TPX2: variants seen among roughly 807,000 people sequenced by gnomAD.
TPX2 encodes the protein targeting protein for Xklp2.
TPX2 carries 21 observed loss-of-function variants against 93.6 expected under a neutral mutation model. The observed-to-expected ratio is 0.22, with a 90% CI of 0.16 to 0.32. The LOEUF is 0.32. TPX2 is among the 10% of genes least tolerant of loss of function. The pLI is 1.00. For synonymous variants in TPX2, 281 were observed against 298.3 expected (o/e 0.94, Z 0.60); for missense variants, 776 against 871.1 (o/e 0.89, Z 1.37).
At chr20:31,759,396 GTTT>G (rs35468756) in intron 3 of TPX2, among the ~76,000 whole-genome samples, 1 of 100,440 alleles carries the variant, frequency 1.0e-5, no homozygotes, top group Admixed American at 1.0e-4. Flanking sequence ...GTTTTCTTTC[GTTT>G]TTTTTTTTTT....
At chr20:31,776,736 A>G (rs1260131680) in intron 8 of TPX2, among the ~76,000 whole-genome samples, 1 of 151,832 alleles carries the variant, frequency 6.6e-6, no homozygotes, top group Non-Finnish European at 1.5e-5. Context: ...CATGTTGGCC[A>G]GGCTGGTCTC....
At chr20:31,788,885 A>G (rs534432992) in intron 12 of TPX2, among the ~76,000 whole-genome samples, 4 of 152,260 alleles carry the variant, frequency 2.6e-5, no homozygotes, top group East Asian at 1.9e-4. Context: ...TTTAAAATAT[A>G]TATACTTCCC....
In TPX2 at chr20:31,792,768, G is replaced by T. The variant is rs754732212; in HGVS notation, c.1447G>T (p.Val483Phe). Residue 483 changes from valine to phenylalanine, a missense_variant, in exon 13 of 18, where the codon GTC (valine) becomes TTC (phenylalanine). Val to Phe is a conservative substitution (Grantham distance 50). Transcript: ENST00000300403. The part of the protein sequence containing the change: ...VPEKKVLPIT[V>F]PKSPAFALKN... ...TGAAAAGAAGGTACTTCCAATCACC[G>T]TCCCCAAGTCACCAGCCTTTGCATT... The T allele has an allele frequency of 2.5e-6, 4 of 1,614,066 alleles. No homozygotes were observed. The African/African-American group carries it at 4.0e-5, about 16-fold the overall frequency.
intron 7 of TPX2, among the ~76,000 whole-genome samples, chr20:31,772,646 G>A (rs1006235242): frequency 6.6e-6 from 1 of 152,096 alleles, no homozygotes; most frequent in Non-Finnish European, 1.5e-5. Context: ...ACAAAACCTT[G>A]GGTTCTGCTT....
At chr20:31,778,717 C>T (rs1436106074) in intron 9 of TPX2, 96 bp from the exon 10 acceptor site, 17 of 1,160,522 alleles carry the variant, frequency 1.5e-5, no homozygotes, top group Non-Finnish European at 1.9e-5. Context: ...TTTACACAGG[C>T]CTTTTTTATT....
At position 31,766,663 on chromosome 20, in the gene TPX2, A is replaced by T. The variant is rs772571154; in HGVS notation, c.337A>T (p.Thr113Ser). 1.9e-6 allele frequency: 3 copies of T among 1,610,818 alleles called. No individual in the cohort carries two copies. The highest frequency in any genetic ancestry group is 2.2e-5 in the South Asian group (2 of 90,786). The change falls in exon 5 of 18, where the codon ACT (threonine) becomes TCT (serine). Residue 113 changes from threonine (T) to serine (S), a missense_variant. Physicochemically the swap from Thr to Ser is moderately conservative, Grantham distance 58 (BLOSUM62 1). Around this residue, in one of 3 missense-constraint regions of TPX2, gnomAD observed 279 missense variants for 261.6 expected, o/e 1.07. Transcript: ENST00000300403. Reference protein sequence around the residue: ...LEVEAAISRKTPAQPQRRSLR... With the variant: ...LEVEAAISRKSPAQPQRRSLR... ...AGTTGAGGCAGCCATATCAAGAAAA[A>T]CTCCAGCCCAGCCTCAGAGGTAAGA...
intron 15 of TPX2, among the ~76,000 whole-genome samples, chr20:31,794,788 G>A (rs13042746): frequency 6.6e-6 from 1 of 150,762 alleles, no homozygotes; most frequent in African/African-American, 2.4e-5. Flanking sequence ...GTGTGTGTGT[G>A]TGTATGTGTG....
rs546490844 is a variant in TPX2 at position 31,764,124 on chromosome 20, A to T, written c.230-2432A>T. Among the ~76,000 whole-genome samples the T allele has an allele frequency of 2.0e-4, 30 of 151,706 alleles. No individual in the cohort carries two copies. The South Asian group carries it at 2.1e-3, about 11-fold the overall frequency. ...ACATCTAATATACATGTATGTGTGT[A>T]TATATGTACATATACATGTATGTGT... On this transcript the variant is annotated intron_variant, in intron 4 of 17. Transcript: ENST00000300403.
chr20:31,750,209 G>A (rs948201706), intron 2 of TPX2, among the ~76,000 whole-genome samples: 21 of 151,640 alleles, frequency 1.4e-4, no homozygotes, highest in Non-Finnish European at 2.5e-4. Flanking sequence ...CCCGGCTGGA[G>A]TGCGATGGTG....
At chr20:31,793,723 C>G (rs1056964939) in intron 13 of TPX2, 125 bp from the exon 14 acceptor site, 4 of 939,960 alleles carry the variant, frequency 4.3e-6, no homozygotes, top group Non-Finnish European at 6.1e-6. Flanking sequence ...GAAAAGGAAG[C>G]TAAGACTTCC....
chr20:31,790,541 C>T (rs1234997898), intron 12 of TPX2, among the ~76,000 whole-genome samples: 1 of 152,178 alleles, frequency 6.6e-6, no homozygotes, highest in African/African-American at 2.4e-5. Flanking sequence ...AAAGATTGAG[C>T]AACTGTCTTG....
At chr20:31,748,556 A>G (rs1206797439) in intron 2 of TPX2, among the ~76,000 whole-genome samples, 1 of 152,214 alleles carries the variant, frequency 6.6e-6, no homozygotes, top group African/African-American at 2.4e-5. Context: ...TAGTTTTCAT[A>G]AAGGGCAGGA....
intron 2 of TPX2, among the ~76,000 whole-genome samples, chr20:31,757,116 G>A (rs1463821746): frequency 6.6e-6 from 1 of 151,970 alleles, no homozygotes; most frequent in East Asian, 1.9e-4. Context: ...GTCTGTCTAT[G>A]TTTTGTAGGC....
rs557971200 is a variant in TPX2 at position 31,774,367 on chromosome 20, T to G, written c.609-1500T>G. On this transcript the variant is annotated intron_variant, in intron 7 of 17. Coordinates refer to ENST00000300403, the MANE Select transcript of TPX2 (RefSeq NM_012112.5). ...GACAAGATTGTATTACTGCTACTAT[T>G]GTAAACATTTTTCCATATTTCCTCT... Among the ~76,000 whole-genome samples the G allele has an allele frequency of 3.9e-4, 59 of 152,362 alleles. 1 individual carries two copies. The South Asian group carries it at 0.012, about 32-fold the overall frequency.
chr20:31,757,414 CCTG>C lies in TPX2; in HGVS notation c.-59_-57del. 7.6e-7 allele frequency: 1 copy of C among 1,315,452 alleles called. No individual in the cohort carries two copies. Among genetic ancestry groups the C allele is most frequent in the Non-Finnish European group, 1.1e-6 (1 of 921,728 alleles). The allele number at this position is 1,315,452 out of a possible 1,614,324, so 81.5% of individuals were successfully genotyped here. A position where few individuals can be genotyped will look rare whatever the true frequency, so the allele number is the denominator to read the frequency against. On this transcript the variant is annotated 5_prime_UTR_variant, in exon 3 of 18. Transcript: ENST00000300403. ...AACCATTTCTTTCCTCAGAAGGTGACCTGCTGAGAAAAGTGGTACAAATACTGG... is the reference window on the plus strand; with the variant it reads ...AACCATTTCTTTCCTCAGAAGGTGACCTGAGAAAAGTGGTACAAATACTGG...
intron 12 of TPX2, among the ~76,000 whole-genome samples, chr20:31,790,212 T>C (rs2062091769): frequency 6.6e-6 from 1 of 152,212 alleles, no homozygotes; most frequent in African/African-American, 2.4e-5. Flanking sequence ...ATCTGCTATA[T>C]TGGATTTCAC....
At chr20:31,794,269 A>G (rs1332458140) in intron 14 of TPX2, 133 bp from the exon 15 acceptor site, 1 of 1,280,128 alleles carries the variant, frequency 7.8e-7, no homozygotes, top group Admixed American at 2.7e-5. Context: ...TTCCTTTTGA[A>G]CCCATTATTC....
chr20:31,759,995 C>T (rs11698833), intron 3 of TPX2, 62 bp from the exon 4 acceptor site: 75,818 of 1,593,348 alleles, frequency 0.048, 2,259 homozygotes, highest in South Asian at 0.091. Flanking sequence ...ATTTTAAATG[C>T]GTGATAGTGA....
chr20:31,784,729 T>C (rs952745123), intron 12 of TPX2, among the ~76,000 whole-genome samples: 2 of 151,954 alleles, frequency 1.3e-5, no homozygotes, highest in Non-Finnish European at 2.9e-5. Flanking sequence ...GAGAAGTGAG[T>C]TGTAGTTTGA....
Sources: gnomAD v4.1 joint callset for allele counts (sites outside exome capture counted in the v4.1 genomes callset) on GRCh38, gnomAD v4.1.1 for gene constraint, gnomAD v4.1.1 regional missense constraint, MANE v1.5 for transcripts, NCBI Gene and HGNC (gene_info 2026-07-23, HGNC 2026-07-21) for gene names.